WDHD1: variants seen among roughly 807,000 people sequenced by gnomAD.
WDHD1 encodes the protein WD repeat and HMG-box DNA-binding protein 1.
A neutral mutation model predicts 135.4 loss-of-function variants in WDHD1; 111 were observed. The observed-to-expected ratio is 0.82, with a 90% CI of 0.70 to 0.96. The LOEUF (loss-of-function observed/expected upper bound fraction) is 0.96. Ranked by LOEUF, WDHD1 falls within the 40% of genes least tolerant of loss-of-function variation. The pLI is 0.00. For missense variants in WDHD1, 1,351 were observed against 1,336.3 expected (o/e 1.01, Z -0.17); for synonymous variants, 434 against 439.0 (o/e 0.99, Z 0.14).
chr14:55,026,642 C>T, intron 2 of WDHD1, 69 bp downstream of exon 2: 2 of 1,457,544 alleles, frequency 1.4e-6, no homozygotes, highest in Non-Finnish European at 1.9e-6. Flanking sequence ...TAGCTGACTG[C>T]ACATATAAAG....
chr14:54,981,731 G>C lies in WDHD1; in HGVS notation c.1907-35C>G, dbSNP rs745879169. On this transcript the variant is annotated intron_variant, in intron 15 of 25. Coordinates refer to ENST00000360586, the MANE Select transcript of WDHD1 (RefSeq NM_007086.4). ...AACAGAAAAATCACTTGGAGACATA[G>C]CTACATGTTGTTAAAGGAACCCTAT... 4.8e-6 allele frequency: 7 copies of C among 1,456,512 alleles called. No homozygotes were observed. The South Asian group carries it at 8.2e-5, about 17-fold the overall frequency. 90.2% of individuals were successfully genotyped at this position (1,456,512 alleles called of 1,614,324 possible).
At chr14:54,976,232 C>A (rs1046026766) in intron 16 of WDHD1, among the ~76,000 whole-genome samples, 1 of 142,936 alleles carries the variant, frequency 7.0e-6, no homozygotes, top group Non-Finnish European at 1.5e-5. Flanking sequence ...AGATGAATTT[C>A]TTTATTTCCT....
chr14:54,954,880 C>T (rs914062828), intron 24 of WDHD1, among the ~76,000 whole-genome samples: 1 of 152,122 alleles, frequency 6.6e-6, no homozygotes, highest in African/African-American at 2.4e-5. Flanking sequence ...CAGGCATGTG[C>T]CACCAAGCCT....
At chr14:54,989,253 G>A (rs1230630433) in intron 12 of WDHD1, 41 bp from the exon 13 acceptor site, 1 of 1,472,572 alleles carries the variant, frequency 6.8e-7, no homozygotes, top group East Asian at 2.3e-5. Context: ...GAGAAAAACT[G>A]AAGCTCCTAG....
chr14:54,960,057 T>C (rs2041226364), intron 21 of WDHD1, among the ~76,000 whole-genome samples: 1 of 152,130 alleles, frequency 6.6e-6, no homozygotes, highest in Admixed American at 6.5e-5. Context: ...TACACTCTCT[T>C]CATCATCTTC....
intron 16 of WDHD1, among the ~76,000 whole-genome samples, chr14:54,970,186 A>G (rs2041408175): frequency 6.6e-6 from 1 of 152,208 alleles, no homozygotes; most frequent in Admixed American, 6.5e-5. Flanking sequence ...AGAGTACTGA[A>G]AATCTTAGCC....
Position 54,967,251 on chromosome 14 carries a change from C to T in WDHD1, c.2178+29G>A, listed in dbSNP as rs754741092. On this transcript the variant is annotated intron_variant, in intron 17 of 25. Coordinates refer to ENST00000360586, the MANE Select transcript of WDHD1 (RefSeq NM_007086.4). ...ATCACAGGTGCTGTATTATCAAATT[C>T]AAAGTGTCAAGGTAAGACTTCCACA... The T allele has an allele frequency of 5.8e-6, 9 of 1,548,234 alleles. No individual in the cohort carries two copies. In the Admixed American group the frequency reaches 1.5e-4, roughly 26 times the overall value.
At position 54,991,395 on chromosome 14, in the gene WDHD1, A is replaced by T; in HGVS notation, c.1159T>A (p.Ser387Thr). Residue 387 changes from serine (S) to threonine (T), a missense_variant, in exon 12 of 26, where the codon TCA becomes ACA. Around this residue, in one of 2 missense-constraint regions of WDHD1, gnomAD observed 1,330 missense variants for 1,296.1 expected, o/e 1.03. Coordinates refer to ENST00000360586, the MANE Select transcript of WDHD1 (RefSeq NM_007086.4). ...AGACTAGAACCAGTTTTTAGCATTG[A>T]AATATCTACAACACAAAGGATCATA... ...LEDDENSVDISMLKTGSSLLK... is the reference protein window; with the variant it reads ...LEDDENSVDITMLKTGSSLLK... 6.2e-7 allele frequency: 1 copy of T among 1,613,726 alleles called. No individual in the cohort carries two copies. The highest frequency in any genetic ancestry group is 8.5e-7 in the Non-Finnish European group (1 of 1,179,696).
In WDHD1 at chr14:54,962,990, T is replaced by C. The variant is rs2041278070; in HGVS notation, c.2493A>G (p.Glu831=). ...TTTTTCTGAAATCTTCTTCTTCTTC[T>C]TCCTCTTCCACCTGGGTTGCTGTCA... ...AELTATQVEE[E]EEEEDFRKKL... Residue 831 remains glutamate, a synonymous_variant, in exon 19 of 26, where the codon GAA becomes GAG. Coordinates refer to ENST00000360586, the MANE Select transcript of WDHD1 (RefSeq NM_007086.4). 4.3e-6 allele frequency: 7 copies of C among 1,613,724 alleles called. No homozygotes were observed. The East Asian group carries it at 8.9e-5, about 21-fold the overall frequency.
chr14:54,958,550 C>T (rs1243825039), intron 21 of WDHD1, among the ~76,000 whole-genome samples: 1 of 152,210 alleles, frequency 6.6e-6, no homozygotes, highest in Admixed American at 6.5e-5. Context: ...TGCTAAGGCC[C>T]TCAGTGATCT....
intron 10 of WDHD1, among the ~76,000 whole-genome samples, chr14:54,999,733 T>C (rs1297418340): frequency 1.3e-5 from 2 of 151,994 alleles, no homozygotes; most frequent in Non-Finnish European, 1.5e-5. Context: ...AGTAGGAGCA[T>C]GAAACTACAG....
intron 12 of WDHD1, among the ~76,000 whole-genome samples, chr14:54,990,488 C>T (rs964549613): frequency 6.6e-6 from 1 of 151,482 alleles, no homozygotes; most frequent in East Asian, 1.9e-4. Flanking sequence ...CCCAGCTACT[C>T]GGGAGGCTGA....
intron 12 of WDHD1, 58 bp downstream of exon 12, chr14:54,991,154 AT>A (rs1233572592): frequency 6.5e-6 from 6 of 916,126 alleles, no homozygotes; most frequent in Non-Finnish European, 1.0e-5. Flanking sequence ...AAAATTAACT[AT>A]AGTAAGAAAA....
chr14:54,939,538 TAATTTATTTCC>T lies in WDHD1; in HGVS notation c.*1941_*1951del, dbSNP rs1321835287. Reference sequence around the variant, plus strand: ...TATTGATATGATGATGATTAATAATTAATTTATTTCCATTTTCACTTTCATACTATTCAGTC... The same window carrying T: ...TATTGATATGATGATGATTAATAATTATTTTCACTTTCATACTATTCAGTC... On this transcript the variant is annotated 3_prime_UTR_variant, in exon 26 of 26. Transcript: ENST00000360586. 1 of 151,476 alleles carries T rather than the reference TAATTTATTTCC, an allele frequency of 6.6e-6. No individual in the cohort carries two copies. The highest frequency in any genetic ancestry group is 1.5e-5 in the Non-Finnish European group (1 of 67,984). The allele number at this position is 151,476 out of a possible 1,614,324, so 9.4% of individuals were successfully genotyped here. A position where few individuals can be genotyped will look rare whatever the true frequency, so the allele number is the denominator to read the frequency against.
intron 3 of WDHD1, among the ~76,000 whole-genome samples, chr14:55,012,832 G>A (rs911415338): frequency 3.3e-5 from 5 of 152,072 alleles, no homozygotes; most frequent in Non-Finnish European, 7.4e-5. Context: ...AGCCCTCATG[G>A]TCTCATTACT....
intron 7 of WDHD1, among the ~76,000 whole-genome samples, chr14:55,003,752 C>T (rs368151618): frequency 1.3e-5 from 2 of 151,280 alleles, no homozygotes; most frequent in African/African-American, 2.4e-5. Context: ...TCAGTAGAGA[C>T]GGGGTCTTAT....
At chr14:54,955,957 G>A (rs1454293928) in intron 23 of WDHD1, among the ~76,000 whole-genome samples, 1 of 145,850 alleles carries the variant, frequency 6.9e-6, no homozygotes, top group Non-Finnish European at 1.5e-5. Flanking sequence ...GAGTGCAGTG[G>A]CGCTATCTCG....
intron 2 of WDHD1, among the ~76,000 whole-genome samples, chr14:55,019,031 T>TA (rs1010713583): frequency 5.3e-5 from 8 of 151,488 alleles, no homozygotes; most frequent in African/African-American, 7.3e-5. Flanking sequence ...CTCAAACAAA[T>TA]AAAAAAAAGA....
intron 24 of WDHD1, among the ~76,000 whole-genome samples, chr14:54,949,688 G>A (rs1460445546): frequency 6.6e-6 from 1 of 152,094 alleles, no homozygotes; most frequent in Non-Finnish European, 1.5e-5. Flanking sequence ...GCAACTCCAA[G>A]ACACATAATT....
Sources: gnomAD v4.1 joint callset for allele counts (sites outside exome capture counted in the v4.1 genomes callset) on GRCh38, gnomAD v4.1.1 for gene constraint, gnomAD v4.1.1 regional missense constraint, MANE v1.5 for transcripts, NCBI Gene and HGNC (gene_info 2026-07-23, HGNC 2026-07-21) for gene names.